The following GRK7 variants were observed in gnomAD, a reference collection of about 807,000 sequenced individuals.
The protein encoded by GRK7 is G protein-coupled receptor kinase 7.
In GRK7, 24 loss-of-function variants were observed where a neutral mutation model predicts 34.1. The observed-to-expected ratio is 0.70, with a 90% CI of 0.51 to 0.99. GRK7 has a LOEUF of 0.99. Ranked by LOEUF, GRK7 falls within the 50% of genes least tolerant of loss-of-function variation. The pLI is 0.00. For synonymous variants in GRK7, 256 were observed against 279.4 expected (o/e 0.92, Z 0.84); for missense variants, 644 against 707.3 (o/e 0.91, Z 1.02).
chr3:141,754,598 G>A, the GRK7 span, among the ~76,000 whole-genome samples: 435 of 151,950 alleles, frequency 2.9e-3, 4 homozygotes, highest in African/African-American at 9.1e-3. Context: ...ATGCCTCCCC[G>A]GTGTCTTTAG....
At chr3:141,751,689 T>C in the GRK7 span, among the ~76,000 whole-genome samples, 3 of 152,236 alleles carry the variant, frequency 2.0e-5, no homozygotes, top group Non-Finnish European at 2.9e-5. Flanking sequence ...AGATCTGTGT[T>C]GTCTAATAGT....
In GRK7 at chr3:141,769,368, G is replaced by A. The variant is rs138002860; in HGVS notation, c.-215+3630G>A. 3.3e-5 allele frequency among the ~76,000 whole-genome samples: 5 copies of A among 152,246 alleles called. No individual in the cohort carries two copies. The East Asian group carries it at 9.6e-4, about 29-fold the overall frequency. On this transcript the variant is annotated intron_variant, in intron 1 of 5. Transcript: ENST00000682958. ...GTTCCATCTTGACAGCCAGCATCAT[G>A]ACTCACTAGGCTGCTGCAGTAACCT...
rs149434618 is a variant in GRK7 at position 141,794,807 on chromosome 3, G to C, written c.1051-12838G>C. ...TCAGAGTGAATAGGCCTCAGTGATG[G>C]TTTGGATACGGGGTTAAGGGAGATG... is the stretch of plus-strand genomic sequence containing the variant. On this transcript the variant is annotated intron_variant, in intron 4 of 5. Coordinates refer to ENST00000682958, the MANE Select transcript of GRK7 (RefSeq NM_139209.3). Among the ~76,000 whole-genome samples the C allele has an allele frequency of 2.2e-3, 330 of 152,234 alleles. 3 individuals are homozygous for C. Among genetic ancestry groups the C allele is most frequent in the African/African-American group, 7.6e-3 (316 of 41,530 alleles).
chr3:141,797,915 G>T (rs759009687), intron 4 of GRK7, among the ~76,000 whole-genome samples: 3 of 152,172 alleles, frequency 2.0e-5, no homozygotes, highest in Non-Finnish European at 4.4e-5. Context: ...TCATGGACTT[G>T]TAAAACTGTT....
chr3:141,800,126 C>T (rs761214994), intron 4 of GRK7, among the ~76,000 whole-genome samples: 18 of 152,142 alleles, frequency 1.2e-4, no homozygotes, highest in Non-Finnish European at 2.5e-4. Flanking sequence ...CAGACAGAAG[C>T]AGGACCCAAG....
chr3:141,786,910 T>C (rs1050580659), intron 4 of GRK7, among the ~76,000 whole-genome samples: 16 of 152,112 alleles, frequency 1.1e-4, no homozygotes, highest in Admixed American at 9.2e-4. Flanking sequence ...GTCAGAAATG[T>C]AAAGCACAGA....
chr3:141,769,731 T>C (rs1023723143), intron 1 of GRK7, among the ~76,000 whole-genome samples: 1 of 152,116 alleles, frequency 6.6e-6, no homozygotes, highest in African/African-American at 2.4e-5. Context: ...CCAGGGCATC[T>C]CTCCCCATCT....
At chr3:141,781,158 G>T (rs996072730) in intron 4 of GRK7, among the ~76,000 whole-genome samples, 1 of 152,146 alleles carries the variant, frequency 6.6e-6, no homozygotes, top group Admixed American at 6.5e-5. Flanking sequence ...AGCCAATAGA[G>T]CCTTGGGTTC....
chr3:141,785,695 T>G (rs1156492404), intron 4 of GRK7, among the ~76,000 whole-genome samples: 3 of 149,682 alleles, frequency 2.0e-5, no homozygotes, highest in Non-Finnish European at 1.5e-5. Context: ...ACCCGGGAGG[T>G]GGAGGTTTTA....
At chr3:141,769,058 C>A (rs2084603669) in intron 1 of GRK7, among the ~76,000 whole-genome samples, 1 of 152,118 alleles carries the variant, frequency 6.6e-6, no homozygotes, top group Admixed American at 6.5e-5. Context: ...TCCCCTATGA[C>A]TCCCAAACAT....
intron 4 of GRK7, among the ~76,000 whole-genome samples, chr3:141,794,607 G>A (rs1577920661): frequency 6.6e-6 from 1 of 152,340 alleles, no homozygotes; most frequent in East Asian, 1.9e-4. Flanking sequence ...TCATGAAGGG[G>A]ACAACATGTT....
chr3:141,757,129 C>CTTTT, the GRK7 span, among the ~76,000 whole-genome samples: 74 of 101,294 alleles, frequency 7.3e-4, no homozygotes, highest in East Asian at 1.7e-3. Context: ...AGATCTTCTT[C>CTTTT]TTTTTTTTTT....
At chr3:141,808,234 T>C (rs1384670595) in intron 5 of GRK7, among the ~76,000 whole-genome samples, 3 of 152,182 alleles carry the variant, frequency 2.0e-5, no homozygotes, top group Admixed American at 6.5e-5. Flanking sequence ...TTATGTCAGA[T>C]GAAGGGAAAT....
chr3:141,808,261 G>A (rs1711056716), intron 5 of GRK7, among the ~76,000 whole-genome samples: 1 of 152,054 alleles, frequency 6.6e-6, no homozygotes, highest in African/African-American at 2.4e-5. Flanking sequence ...CTGGGGATGG[G>A]GATGCAAATA....
chr3:141,802,200 A>G (rs910046265), intron 4 of GRK7, among the ~76,000 whole-genome samples: 4 of 152,138 alleles, frequency 2.6e-5, no homozygotes, highest in African/African-American at 9.7e-5. Context: ...CAAAGAAAAA[A>G]AAATTAACCA....
intron 4 of GRK7, among the ~76,000 whole-genome samples, chr3:141,791,150 G>A (rs1201669966): frequency 6.6e-6 from 1 of 152,162 alleles, no homozygotes; most frequent in African/African-American, 2.4e-5. Context: ...TTAGATACCT[G>A]GTCCTGCCTT....
intron 2 of GRK7, among the ~76,000 whole-genome samples, 182 bp downstream of exon 2, chr3:141,774,862 G>T (rs995283900): frequency 6.6e-6 from 1 of 151,334 alleles, no homozygotes; most frequent in East Asian, 1.9e-4. Context: ...TGTCGATCTC[G>T]GTTCACTGCA....
chr3:141,789,120 G>A (rs915337754), intron 4 of GRK7, among the ~76,000 whole-genome samples: 7 of 152,278 alleles, frequency 4.6e-5, no homozygotes, highest in African/African-American at 1.7e-4. Context: ...TGGCCTAGGA[G>A]GAAAGAAGTT....
At chr3:141,795,564 G>A (rs146210547) in intron 4 of GRK7, among the ~76,000 whole-genome samples, 41 of 152,292 alleles carry the variant, frequency 2.7e-4, no homozygotes, top group African/African-American at 8.2e-4. Context: ...CTAGGGGCTG[G>A]AGGAGTTGCA....
Sources: allele counts gnomAD v4.1 joint callset (sites outside exome capture counted in the v4.1 genomes callset), GRCh38; gene constraint gnomAD v4.1.1; transcripts MANE v1.5; gene names NCBI Gene and HGNC (gene_info 2026-07-23, HGNC 2026-07-21).